NKAIN2: variants seen among roughly 807,000 people sequenced by gnomAD.
NKAIN2 encodes sodium/potassium transporting ATPase interacting 2.
NKAIN2 carries 14 observed loss-of-function variants against 32.6 expected under a neutral mutation model. The observed-to-expected ratio is 0.43, with a 90% confidence interval of 0.28 to 0.67. The LOEUF (loss-of-function observed/expected upper bound fraction) is 0.67. Ranked by LOEUF, NKAIN2 falls within the 30% of genes least tolerant of loss-of-function variation. NKAIN2 has a pLI of 0.17. For missense variants in NKAIN2, 198 were observed against 258.3 expected (o/e 0.77, Z 1.60); for synonymous variants, 80 against 87.2 (o/e 0.92, Z 0.46).
chr6:123,918,539 A>G (rs1308324066), intron 1 of NKAIN2, among the ~76,000 whole-genome samples: 1 of 152,168 alleles, frequency 6.6e-6, no homozygotes, highest in African/African-American at 2.4e-5. Context: ...GTGTTGGTTA[A>G]TTTTATGTGT....
chr6:124,703,665 C>A (rs943192464), intron 4 of NKAIN2, among the ~76,000 whole-genome samples: 1 of 151,998 alleles, frequency 6.6e-6, no homozygotes, highest in Non-Finnish European at 1.5e-5. Flanking sequence ...CAAGCCTAGT[C>A]ATAAAGGTTG....
At chr6:124,234,168 A>G (rs1307982982) in intron 1 of NKAIN2, among the ~76,000 whole-genome samples, 1 of 152,196 alleles carries the variant, frequency 6.6e-6, no homozygotes, top group Non-Finnish European at 1.5e-5. Context: ...AGATTGTCTT[A>G]CCATTTTTGT....
At chr6:123,827,891 C>CTA (rs1277864360) in intron 1 of NKAIN2, among the ~76,000 whole-genome samples, 3 of 151,254 alleles carry the variant, frequency 2.0e-5, no homozygotes, top group Admixed American at 6.6e-5. Context: ...CTCTCTCTCT[C>CTA]TCTCTATATA....
chr6:124,094,070 G>A lies in NKAIN2; in HGVS notation c.55-188935G>A, dbSNP rs73563133. ...ACAGAGCTATAGATGATCTCAGTCC[G>A]CTGTAAACAAAACAAAACAAAAATA... On this transcript the variant is annotated intron_variant, in intron 1 of 6. Coordinates refer to ENST00000368417, the MANE Select transcript of NKAIN2 (RefSeq NM_001040214.3). Among the ~76,000 whole-genome samples, 1,502 of 152,094 alleles carry A rather than the reference G, an allele frequency of 9.9e-3. 20 individuals carry two copies. Among genetic ancestry groups the A allele is most frequent in the African/African-American group, 0.035 (1,432 of 41,496 alleles).
intron 1 of NKAIN2, among the ~76,000 whole-genome samples, chr6:123,922,433 T>C (rs1775798456): frequency 6.6e-6 from 1 of 152,224 alleles, no homozygotes; most frequent in Non-Finnish European, 1.5e-5. Context: ...GGTGCCTATT[T>C]ATTCTTATAG....
chr6:123,987,907 C>T (rs1276323288), intron 1 of NKAIN2, among the ~76,000 whole-genome samples: 2 of 152,242 alleles, frequency 1.3e-5, no homozygotes, highest in African/African-American at 2.4e-5. Flanking sequence ...GTGTCTTTCA[C>T]GCCAAGTATG....
intron 1 of NKAIN2, among the ~76,000 whole-genome samples, chr6:124,227,959 C>G (rs2114723039): frequency 6.6e-6 from 1 of 152,246 alleles, no homozygotes; most frequent in East Asian, 1.9e-4. Context: ...AATCAGGGTG[C>G]TAGCATGGTT....
chr6:124,353,681 G>A (rs1171864438), intron 2 of NKAIN2, among the ~76,000 whole-genome samples: 1 of 152,106 alleles, frequency 6.6e-6, no homozygotes, highest in Non-Finnish European at 1.5e-5. Context: ...CTTGAACCTG[G>A]GAGGAGGAGC....
At chr6:124,104,378 AT>A (rs1785023152) in intron 1 of NKAIN2, among the ~76,000 whole-genome samples, 1 of 152,196 alleles carries the variant, frequency 6.6e-6, no homozygotes, top group Admixed American at 6.5e-5. Context: ...TGATGATGAT[AT>A]TTTGGTGGTG....
intron 2 of NKAIN2, among the ~76,000 whole-genome samples, chr6:124,331,294 G>A (rs1482426711): frequency 1.3e-4 from 17 of 129,818 alleles, no homozygotes; most frequent in African/African-American, 4.4e-4. Flanking sequence ...GAGGTCAGGA[G>A]ATCGAGACCA....
At position 123,995,334 on chromosome 6, in the gene NKAIN2, C is replaced by A. The variant is rs544392093; in HGVS notation, c.54+191080C>A. ...AGAGAATAGTAACAGAGGACCTGGC[C>A]TTTACAGACAGATGGAATCCCTTTT... On this transcript the variant is annotated intron_variant, in intron 1 of 6. Transcript: ENST00000368417. Among the ~76,000 whole-genome samples the A allele has an allele frequency of 5.3e-5, 8 of 152,248 alleles. No homozygotes were observed. The South Asian group carries it at 1.5e-3, about 28-fold the overall frequency.
intron 3 of NKAIN2, among the ~76,000 whole-genome samples, chr6:124,374,517 C>G (rs1352984930): frequency 6.6e-6 from 1 of 152,142 alleles, no homozygotes; most frequent in African/African-American, 2.4e-5. Flanking sequence ...GTTACTGCAT[C>G]AGCGTCACGC....
intron 3 of NKAIN2, among the ~76,000 whole-genome samples, chr6:124,483,695 C>A (rs1266020491): frequency 1.3e-5 from 2 of 151,992 alleles, no homozygotes; most frequent in Admixed American, 6.6e-5. Context: ...TCTTTTAAAT[C>A]TATGCAAGGA....
chr6:123,877,602 G>C (rs1773227533), intron 1 of NKAIN2, among the ~76,000 whole-genome samples: 1 of 152,140 alleles, frequency 6.6e-6, no homozygotes, highest in Admixed American at 6.5e-5. Flanking sequence ...GTGCTAAGTG[G>C]TGACTGAATG....
At chr6:124,141,684 ATCT>A (rs1261668087) in intron 1 of NKAIN2, among the ~76,000 whole-genome samples, 1 of 151,870 alleles carries the variant, frequency 6.6e-6, no homozygotes, top group Non-Finnish European at 1.5e-5. Flanking sequence ...ATTCTTGGTA[ATCT>A]TCTCTCATTG....
At chr6:124,108,603 A>T (rs1444884759) in intron 1 of NKAIN2, among the ~76,000 whole-genome samples, 2 of 152,068 alleles carry the variant, frequency 1.3e-5, no homozygotes, top group African/African-American at 4.8e-5. Context: ...CATATCCAAT[A>T]ACTCATTGCC....
chr6:124,664,966 A>G (rs2114453530), intron 4 of NKAIN2, among the ~76,000 whole-genome samples: 1 of 152,226 alleles, frequency 6.6e-6, no homozygotes, highest in East Asian at 1.9e-4. Context: ...TCACAGTGGT[A>G]TTCAAATTTC....
intron 2 of NKAIN2, among the ~76,000 whole-genome samples, chr6:124,325,817 T>C (rs962469843): frequency 2.0e-5 from 3 of 152,150 alleles, no homozygotes; most frequent in African/African-American, 7.2e-5. Context: ...TAAAACCCAA[T>C]AGCACCCTTA....
In NKAIN2 at chr6:124,408,053, T is replaced by C. The variant is rs532702482; in HGVS notation, c.273+52706T>C. 1.6e-4 allele frequency among the ~76,000 whole-genome samples: 25 copies of C among 152,340 alleles called. 1 individual carries two copies. Among genetic ancestry groups the C allele is most frequent in the African/African-American group, 6.0e-4 (25 of 41,578 alleles). ...CTTTTTGATGGGGTTGTTTGTTTTT[T>C]TCTTGTAAATTTGTTTGAGTTCATT... is the stretch of plus-strand genomic sequence containing the variant. On this transcript the variant is annotated intron_variant, in intron 3 of 6. Transcript: ENST00000368417.
Sources: allele counts gnomAD v4.1 joint callset (sites outside exome capture counted in the v4.1 genomes callset), GRCh38; gene constraint gnomAD v4.1.1; transcripts MANE v1.5; gene names NCBI Gene and HGNC (gene_info 2026-07-23, HGNC 2026-07-21).